Variants in CD96 observed in about 807,000 individuals in gnomAD.
CD96 encodes CD96 molecule.
CD96 carries 70 observed loss-of-function variants against 71.3 expected under a neutral mutation model. The ratio of observed to expected loss-of-function variants is 0.98; its 90% CI spans 0.81 to 1.20. CD96 has a LOEUF of 1.20. CD96 is among the 50% of genes most tolerant of loss of function. The pLI is 0.00. For synonymous variants in CD96, 248 were observed against 233.0 expected (o/e 1.06, Z -0.59); for missense variants, 742 against 677.5 (o/e 1.10, Z -1.06).
At chr3:111,654,957 A>G (rs74710295), downstream of CD96, among the ~76,000 whole-genome samples, 783 of 152,360 alleles carry the variant, frequency 5.1e-3, 4 homozygotes, top group African/African-American at 0.018. Flanking sequence ...AGAGCCATGT[A>G]TAAGAGTTAA....
intron 2 of CD96, among the ~76,000 whole-genome samples, chr3:111,563,414 T>A (rs1469838831): frequency 1.3e-5 from 2 of 152,250 alleles, no homozygotes; most frequent in Non-Finnish European, 2.9e-5. Context: ...ACCAGCTCCA[T>A]GTGGCTAAAA....
Position 111,600,762 on chromosome 3 carries a change from A to T in CD96, c.935A>T (p.Asp312Val). The change falls in exon 7 of 14, where the codon GAT becomes GTT. Residue 312 changes from aspartate (D) to valine (V), a missense_variant. By Grantham distance (152) the Asp-to-Val change is radical. Transcript: ENST00000352690. Reference protein sequence around the residue: ...YITNEERKGKDGFLELKSVLT... With the variant: ...YITNEERKGKVGFLELKSVLT... ...ACTAATGAAGAGAGAAAAGGCAAAG[A>T]TGGATTTTTGGAACTGAAGTCTGTT... 6.2e-7 allele frequency: 1 copy of T among 1,613,708 alleles called. No homozygotes were observed. The highest frequency in any genetic ancestry group is 8.5e-7 in the Non-Finnish European group (1 of 1,179,596).
chr3:111,577,051 AG>A, intron 3 of CD96, among the ~76,000 whole-genome samples: 1 of 152,308 alleles, frequency 6.6e-6, no homozygotes, highest in South Asian at 2.1e-4. Flanking sequence ...TCAACTGCCC[AG>A]GGGAAAAAAG....
intron 5 of CD96, among the ~76,000 whole-genome samples, chr3:111,596,441 A>G (rs1328472923): frequency 6.6e-6 from 1 of 152,136 alleles, no homozygotes; most frequent in Non-Finnish European, 1.5e-5. Flanking sequence ...ATGAAAGTCA[A>G]ATCTTTTCAA....
At chr3:111,551,960 G>A (rs927703258) in intron 2 of CD96, among the ~76,000 whole-genome samples, 2 of 152,088 alleles carry the variant, frequency 1.3e-5, no homozygotes, top group African/African-American at 4.8e-5. Flanking sequence ...ACCAGCATCT[G>A]TTCTTTCTTG....
At chr3:111,635,805 C>T (rs1339491069) in intron 10 of CD96, among the ~76,000 whole-genome samples, 1 of 152,126 alleles carries the variant, frequency 6.6e-6, no homozygotes, top group Non-Finnish European at 1.5e-5. Flanking sequence ...TGCAAACATA[C>T]TTTGATGAGA....
chr3:111,658,371 A>C lies in CD96; in HGVS notation c.*53-7156A>C, dbSNP rs113172102. On this transcript the variant is annotated intron_variant and NMD_transcript_variant, in intron 14 of 14. Coordinates refer to the CD96 transcript ENST00000494798. ...GGTAGTCAGAGAGAGACAGAGAGAG[A>C]AAGGAGGGCTCTCACCTATAGCAAA... Among the ~76,000 whole-genome samples, 622 of 152,310 alleles carry C rather than the reference A, an allele frequency of 4.1e-3. 4 individuals carry two copies. Among genetic ancestry groups the C allele is most frequent in the Non-Finnish European group, 6.4e-3 (432 of 68,022 alleles).
chr3:111,639,524 C>A (rs553313444), intron 12 of CD96, among the ~76,000 whole-genome samples: 2 of 152,170 alleles, frequency 1.3e-5, no homozygotes, highest in African/African-American at 4.8e-5. Flanking sequence ...CCTGCCCCGA[C>A]CTGATGGTCC....
At chr3:111,608,269 T>C (rs958070178) in intron 8 of CD96, among the ~76,000 whole-genome samples, 1 of 152,216 alleles carries the variant, frequency 6.6e-6, no homozygotes, top group African/African-American at 2.4e-5. Flanking sequence ...CAAGAAACAG[T>C]GTGACTAAGT....
At chr3:111,562,366 A>G (rs961643751) in intron 2 of CD96, among the ~76,000 whole-genome samples, 6 of 152,146 alleles carry the variant, frequency 3.9e-5, no homozygotes, top group Non-Finnish European at 7.3e-5. Context: ...TGTGTTGAAA[A>G]CTGGACATTA....
At chr3:111,626,514 T>C (rs117958620) in intron 10 of CD96, among the ~76,000 whole-genome samples, 2 of 152,178 alleles carry the variant, frequency 1.3e-5, no homozygotes, top group Non-Finnish European at 2.9e-5. Context: ...CTTTCCACCA[T>C]CCTTTGGCAT....
chr3:111,610,423 T>C (rs1321928228), intron 8 of CD96, among the ~76,000 whole-genome samples: 1 of 152,236 alleles, frequency 6.6e-6, no homozygotes, highest in East Asian at 1.9e-4. Flanking sequence ...TCATTCCGAA[T>C]TCTAAGATGT....
intron 8 of CD96, among the ~76,000 whole-genome samples, chr3:111,614,728 C>G (rs1938143835): frequency 6.6e-6 from 1 of 152,182 alleles, no homozygotes; most frequent in Admixed American, 6.5e-5. Flanking sequence ...CTTCTCCATG[C>G]CCATTCAGAG....
chr3:111,592,664 T>C (rs967886435), intron 5 of CD96, among the ~76,000 whole-genome samples: 14 of 152,204 alleles, frequency 9.2e-5, no homozygotes, highest in Non-Finnish European at 2.1e-4. Context: ...TTCCTTTATA[T>C]CTCTGCCTTC....
chr3:111,554,569 A>G (rs1159032844), intron 2 of CD96, among the ~76,000 whole-genome samples: 2 of 152,056 alleles, frequency 1.3e-5, no homozygotes, highest in African/African-American at 4.8e-5. Flanking sequence ...TACTAAATAT[A>G]CTGCATCTAT....
intron 14 of CD96, among the ~76,000 whole-genome samples, chr3:111,657,454 A>C (rs1054114088): frequency 6.6e-6 from 1 of 151,962 alleles, no homozygotes; most frequent in African/African-American, 2.4e-5. Flanking sequence ...AGGAACACAA[A>C]ATTTGACTAT....
chr3:111,569,300 T>C (rs1364171974), intron 3 of CD96, among the ~76,000 whole-genome samples: 1 of 152,190 alleles, frequency 6.6e-6, no homozygotes, highest in African/African-American at 2.4e-5. Flanking sequence ...AAAATAACTT[T>C]CCCAAATGGT....
intron 2 of CD96, among the ~76,000 whole-genome samples, chr3:111,564,208 T>G (rs536295838): frequency 6.6e-6 from 1 of 152,128 alleles, no homozygotes; most frequent in South Asian, 2.1e-4. Context: ...TGAATTATAG[T>G]TTTTAATATT....
downstream of CD96, among the ~76,000 whole-genome samples, chr3:111,656,421 G>T (rs1337107775): frequency 6.6e-6 from 1 of 152,124 alleles, no homozygotes; most frequent in Admixed American, 6.5e-5. Flanking sequence ...GTGCAAAATG[G>T]TGCCACCAAT....
Sources: gnomAD v4.1 joint callset for allele counts (sites outside exome capture counted in the v4.1 genomes callset) on GRCh38, gnomAD v4.1.1 for gene constraint, MANE v1.5 for transcripts, NCBI Gene and HGNC (gene_info 2026-07-23, HGNC 2026-07-21) for gene names.